Variants in PPP3CA observed in about 807,000 individuals in gnomAD.
PPP3CA encodes protein phosphatase 3 catalytic subunit alpha, also known as CAM-PRP catalytic subunit.
In PPP3CA, 14 loss-of-function variants were observed where a neutral mutation model predicts 66.5. That is an observed-to-expected ratio of 0.21 (90% CI 0.14 to 0.33). The LOEUF (loss-of-function observed/expected upper bound fraction) is 0.33, where lower values mean the gene tolerates loss of function less well. Ranked by LOEUF, PPP3CA falls within the 10% of genes least tolerant of loss-of-function variation. The pLI is 1.00. For synonymous variants in PPP3CA, 232 were observed against 226.2 expected (o/e 1.03, Z -0.23); for missense variants, 317 against 639.5 (o/e 0.50, Z 5.44).
intron 1 of PPP3CA, among the ~76,000 whole-genome samples, chr4:101,225,583 A>T (rs554399345): frequency 6.6e-6 from 1 of 151,962 alleles, no homozygotes; most frequent in South Asian, 2.1e-4. Flanking sequence ...GAATGCTGGT[A>T]TCAGTTACGG....
intron 8 of PPP3CA, among the ~76,000 whole-genome samples, chr4:101,075,362 T>C (rs1729140720): frequency 6.6e-6 from 1 of 152,220 alleles, no homozygotes; most frequent in Non-Finnish European, 1.5e-5. Context: ...TCCTCTCAAA[T>C]CCAAAATAAT....
At chr4:101,247,701 G>A (rs2583402) in intron 1 of PPP3CA, among the ~76,000 whole-genome samples, 31,075 of 152,030 alleles carry the variant, frequency 0.2, 3,821 homozygotes, top group East Asian at 0.51. Flanking sequence ...AGATATCAAT[G>A]TAGGTATTTC....
intron 2 of PPP3CA, among the ~76,000 whole-genome samples, chr4:101,119,517 A>G (rs1435134711): frequency 6.6e-6 from 1 of 152,046 alleles, no homozygotes; most frequent in Non-Finnish European, 1.5e-5. Context: ...ACAAAAACAA[A>G]AACAAAAACA....
intron 1 of PPP3CA, among the ~76,000 whole-genome samples, chr4:101,227,959 T>C (rs1422353245): frequency 6.6e-6 from 1 of 151,740 alleles, no homozygotes; most frequent in Non-Finnish European, 1.5e-5. Flanking sequence ...ATTTTCTTTA[T>C]TCAGTCTACC....
chr4:101,253,293 T>G (rs1293266447), intron 1 of PPP3CA, among the ~76,000 whole-genome samples: 1 of 152,142 alleles, frequency 6.6e-6, no homozygotes, highest in Non-Finnish European at 1.5e-5. Flanking sequence ...TTCTTACAAA[T>G]TATATGTGAG....
chr4:101,309,328 T>C (rs1296717257), intron 1 of PPP3CA, among the ~76,000 whole-genome samples: 1 of 152,162 alleles, frequency 6.6e-6, no homozygotes, highest in Non-Finnish European at 1.5e-5. Flanking sequence ...CTGGGGATAT[T>C]ATAAAATGAC....
chr4:101,032,281 T>A lies in PPP3CA; in HGVS notation c.1325A>T (p.Gln442Leu), dbSNP rs1179419824. 6.2e-7 allele frequency: 1 copy of A among 1,605,522 alleles called. No homozygotes were observed. The highest frequency in any genetic ancestry group is 8.5e-7 in the Non-Finnish European group (1 of 1,176,508). The change falls in exon 12 of 14, where the codon CAA (glutamine) becomes CTA (leucine). Residue 442 changes from glutamine (Q) to leucine (L), a missense_variant. By Grantham distance (113) the Gln-to-Leu change is moderately radical. Coordinates refer to ENST00000394854, the MANE Select transcript of PPP3CA (RefSeq NM_000944.5). Reference protein sequence around the residue: ...LPSGVLSGGKQTLQSATVEAI... With the variant: ...LPSGVLSGGKLTLQSATVEAI... ...AGCCTGCTTACCGCTTTGCAGGGTTTGCTTCCCTCCAGAAAGTACTCCGCT... is the reference window on the plus strand; with the variant it reads ...AGCCTGCTTACCGCTTTGCAGGGTTAGCTTCCCTCCAGAAAGTACTCCGCT...
intron 1 of PPP3CA, among the ~76,000 whole-genome samples, chr4:101,335,407 C>T (rs1269290973): frequency 6.6e-6 from 1 of 151,878 alleles, no homozygotes; most frequent in African/African-American, 2.4e-5. Flanking sequence ...GGGGGCATGG[C>T]CTGTCTCTCA....
chr4:101,115,994 A>G (rs1256907958), intron 2 of PPP3CA, among the ~76,000 whole-genome samples: 2 of 152,026 alleles, frequency 1.3e-5, no homozygotes, highest in African/African-American at 4.8e-5. Context: ...ATGTATCAGC[A>G]TTTCAAAACT....
At chr4:101,343,384 A>T (rs982442787) in intron 1 of PPP3CA, among the ~76,000 whole-genome samples, 2 of 152,192 alleles carry the variant, frequency 1.3e-5, no homozygotes, top group African/African-American at 4.8e-5. Context: ...AGAAATGAAG[A>T]AAAGCCAAAG....
intron 1 of PPP3CA, among the ~76,000 whole-genome samples, chr4:101,280,974 A>T: frequency 6.6e-6 from 1 of 152,202 alleles, no homozygotes. Flanking sequence ...TAGGAAAAAA[A>T]AATGACTGAG....
chr4:101,151,330 C>A (rs1211801876), intron 2 of PPP3CA, among the ~76,000 whole-genome samples: 1 of 151,844 alleles, frequency 6.6e-6, no homozygotes, highest in Admixed American at 6.6e-5. Context: ...TTTGGGAGGC[C>A]GTGGGTGGAT....
chr4:101,228,110 T>C (rs1011543900), intron 1 of PPP3CA, among the ~76,000 whole-genome samples: 1 of 151,678 alleles, frequency 6.6e-6, no homozygotes, highest in Non-Finnish European at 1.5e-5. Context: ...GACAAATAAT[T>C]TAAATAAATG....
At chr4:101,339,172 G>A (rs768599759) in intron 1 of PPP3CA, among the ~76,000 whole-genome samples, 1 of 152,192 alleles carries the variant, frequency 6.6e-6, no homozygotes, top group Non-Finnish European at 1.5e-5. Context: ...CTGGATTACA[G>A]AAGCATTATA....
intron 1 of PPP3CA, among the ~76,000 whole-genome samples, chr4:101,243,441 T>C (rs890412233): frequency 6.6e-6 from 1 of 152,114 alleles, no homozygotes; most frequent in Non-Finnish European, 1.5e-5. Flanking sequence ...GGGTTCCACA[T>C]CTATGGATTC....
chr4:101,125,937 G>A (rs765259496), intron 2 of PPP3CA, among the ~76,000 whole-genome samples: 1 of 152,086 alleles, frequency 6.6e-6, no homozygotes, highest in Non-Finnish European at 1.5e-5. Context: ...ACTTTCAATG[G>A]AACTTGCTTT....
chr4:101,222,165 G>A (rs1030573607), intron 1 of PPP3CA, among the ~76,000 whole-genome samples: 1 of 151,530 alleles, frequency 6.6e-6, no homozygotes, highest in Non-Finnish European at 1.5e-5. Context: ...AAAAATCACT[G>A]CTTTGTTCAT....
chr4:101,333,709 T>C (rs1729526672), intron 1 of PPP3CA, among the ~76,000 whole-genome samples: 2 of 152,280 alleles, frequency 1.3e-5, no homozygotes, highest in Non-Finnish European at 2.9e-5. Flanking sequence ...CTCAAAGTCA[T>C]AACACATGGC....
chr4:101,309,767 A>T (rs890827228), intron 1 of PPP3CA, among the ~76,000 whole-genome samples: 1 of 152,212 alleles, frequency 6.6e-6, no homozygotes, highest in Non-Finnish European at 1.5e-5. Flanking sequence ...AGAATTAACC[A>T]AGAGAGACAC....
Sources: allele counts gnomAD v4.1 joint callset (sites outside exome capture counted in the v4.1 genomes callset), GRCh38; gene constraint gnomAD v4.1.1; transcripts MANE v1.5; gene names NCBI Gene and HGNC (gene_info 2026-07-23, HGNC 2026-07-21).